Variants in ARHGAP21 observed in about 807,000 individuals in gnomAD.
ARHGAP21 encodes the protein Rho GTPase activating protein 21.
In ARHGAP21, 38 loss-of-function variants were observed where a neutral mutation model predicts 164.6. The ratio of observed to expected loss-of-function variants is 0.23; its 90% CI spans 0.18 to 0.30. The LOEUF (loss-of-function observed/expected upper bound fraction) is 0.30, where lower values mean the gene tolerates loss of function less well. ARHGAP21 is among the 10% of genes least tolerant of loss of function. The pLI is 1.00. For missense variants in ARHGAP21, 1,822 were observed against 2,370.7 expected (o/e 0.77, Z 4.81); for synonymous variants, 766 against 857.9 (o/e 0.89, Z 1.87).
chr10:24,596,322 C>T, intron 17 of ARHGAP21: 1 of 429,646 alleles, frequency 2.3e-6, no homozygotes, highest in Non-Finnish European at 4.0e-6. Flanking sequence ...GGAAACCGTT[C>T]CGCTGAATAA....
In ARHGAP21 at chr10:24,620,320, A is replaced by T; in HGVS notation, c.1575T>A (p.Thr525=). Residue 525 remains threonine (T), a synonymous_variant, in exon 9 of 26, where the codon ACT becomes ACA. Transcript: ENST00000396432. The part of the protein sequence containing the change: ...IPDSNGEKKQ[T]YKWSGFTEQD... Reference sequence around the variant, plus strand: ...GTTCAGTAAACCCACTCCACTTGTAAGTCTGTTTTTTCTCTCCATTGGAAT... The same window carrying T: ...GTTCAGTAAACCCACTCCACTTGTATGTCTGTTTTTTCTCTCCATTGGAAT... 1 of 1,613,946 alleles carries T rather than the reference A, an allele frequency of 6.2e-7. No homozygotes were observed.
At chr10:24,696,098 T>C (rs779017761) in intron 2 of ARHGAP21, among the ~76,000 whole-genome samples, 2 of 152,212 alleles carry the variant, frequency 1.3e-5, no homozygotes, top group Admixed American at 6.5e-5. Context: ...AGACAATATA[T>C]GTGAAACAAT....
intron 2 of ARHGAP21, among the ~76,000 whole-genome samples, chr10:24,680,306 G>A (rs1841647517): frequency 6.6e-6 from 1 of 151,856 alleles, no homozygotes; most frequent in Admixed American, 6.6e-5. Context: ...TTTCCTGTGG[G>A]ACTCATATTT....
chr10:24,711,116 G>A (rs1301062943), intron 2 of ARHGAP21, among the ~76,000 whole-genome samples: 21 of 114,978 alleles, frequency 1.8e-4, no homozygotes, highest in East Asian at 8.6e-4. Flanking sequence ...AAAAAAAAAA[G>A]GGAAGGAAGG....
intron 2 of ARHGAP21, among the ~76,000 whole-genome samples, chr10:24,697,973 A>G (rs867597810): frequency 1.3e-5 from 2 of 152,216 alleles, no homozygotes; most frequent in South Asian, 4.1e-4. Context: ...GGGAAATTCT[A>G]AGGCATTTTG....
chr10:24,652,562 C>T (rs1838292436), intron 4 of ARHGAP21, among the ~76,000 whole-genome samples: 3 of 152,078 alleles, frequency 2.0e-5, no homozygotes, highest in African/African-American at 7.2e-5. Context: ...GTTGAATTAC[C>T]TGCTAATAGT....
rs191224786 is a variant in ARHGAP21, at chr10:24,668,412, C to T, written c.244-1403G>A. On this transcript the variant is annotated intron_variant, in intron 3 of 25. Coordinates refer to ENST00000396432, the MANE Select transcript of ARHGAP21 (RefSeq NM_020824.4). Reference sequence around the variant, plus strand: ...TGCCTGTTCGATTCACAGGTGTGCCCACATTGTCCCAGTCTGAACAAGCGT... The same window carrying T: ...TGCCTGTTCGATTCACAGGTGTGCCTACATTGTCCCAGTCTGAACAAGCGT... 2.6e-5 allele frequency among the ~76,000 whole-genome samples: 4 copies of T among 152,278 alleles called. No individual in the cohort carries two copies. The East Asian group carries it at 7.7e-4, about 29-fold the overall frequency.
chr10:24,722,785 C>G (rs1446828640), intron 1 of ARHGAP21: 1 of 151,832 alleles, frequency 6.6e-6, no homozygotes, highest in East Asian at 2.0e-4. Context: ...CCGCCCCGGC[C>G]GGCGTCCCCG....
In ARHGAP21 at chr10:24,584,392, A is replaced by G. The variant is rs2076010332; in HGVS notation, c.*20T>C. On this transcript the variant is annotated 3_prime_UTR_variant, in exon 26 of 26. Coordinates refer to ENST00000396432, the MANE Select transcript of ARHGAP21 (RefSeq NM_020824.4). The stretch of plus-strand genomic sequence containing the variant: ...TGTAACAGTAGTTTTTTTACTTGCT[A>G]GAGTGGACATACCCCCAGTTTAAAG... 4.5e-6 allele frequency: 7 copies of G among 1,561,146 alleles called. No homozygotes were observed. The highest frequency in any genetic ancestry group is 2.7e-5 in the African/African-American group (2 of 72,848).
intron 11 of ARHGAP21, 52 bp from the exon 12 acceptor site, chr10:24,604,400 A>G (rs1329028508): frequency 7.8e-7 from 1 of 1,280,274 alleles, no homozygotes; most frequent in East Asian, 2.4e-5. Context: ...AAAAAATCTT[A>G]AAGATGTAAG....
intron 25 of ARHGAP21, among the ~76,000 whole-genome samples, chr10:24,588,851 T>C (rs982806202): frequency 6.6e-6 from 1 of 152,192 alleles, no homozygotes; most frequent in Non-Finnish European, 1.5e-5. Flanking sequence ...ACAGATGATA[T>C]GATGCTTGGG....
chr10:24,628,753 ATG>A lies in ARHGAP21; in HGVS notation c.495+1241_495+1242del, dbSNP rs61405659. Reference sequence around the variant, plus strand: ...AAAATGTTATTTTCTTGAATGAAATATGTGTGTGTGTGTGTGTGCATATATAT... The same window carrying A: ...AAAATGTTATTTTCTTGAATGAAATATGTGTGTGTGTGTGTGCATATATAT... On this transcript the variant is annotated intron_variant, in intron 7 of 25. Coordinates refer to ENST00000396432, the MANE Select transcript of ARHGAP21 (RefSeq NM_020824.4). 3.4e-3 allele frequency among the ~76,000 whole-genome samples: 459 copies of A among 134,744 alleles called. 6 individuals are homozygous for A. Among genetic ancestry groups the A allele is most frequent in the African/African-American group, 9.8e-3 (362 of 37,090 alleles). 88.4% of individuals were successfully genotyped at this position (134,744 alleles called of 152,430 possible).
At chr10:24,602,506 G>A (rs906664661) in intron 12 of ARHGAP21, among the ~76,000 whole-genome samples, 62 of 152,148 alleles carry the variant, frequency 4.1e-4, no homozygotes, top group Non-Finnish European at 5.3e-4. Context: ...GAAAAATAAG[G>A]AGCCAGCCAT....
intron 12 of ARHGAP21, among the ~76,000 whole-genome samples, chr10:24,602,637 G>A (rs1344187808): frequency 6.6e-6 from 1 of 152,134 alleles, no homozygotes; most frequent in Non-Finnish European, 1.5e-5. Context: ...AGGTCATTAA[G>A]GGTCTTCTAG....
intron 2 of ARHGAP21, among the ~76,000 whole-genome samples, chr10:24,697,025 G>C (rs949939620): frequency 6.6e-6 from 1 of 152,216 alleles, no homozygotes; most frequent in Non-Finnish European, 1.5e-5. Flanking sequence ...AACATTCCAA[G>C]TCAATGAAAC....
intron 4 of ARHGAP21, among the ~76,000 whole-genome samples, chr10:24,651,866 A>AT (rs1181194099): frequency 6.6e-6 from 1 of 152,186 alleles, no homozygotes; most frequent in East Asian, 1.9e-4. Context: ...TTCCAACAGA[A>AT]TTTTTTTCAT....
At chr10:24,709,410 T>G (rs1844553223) in intron 2 of ARHGAP21, among the ~76,000 whole-genome samples, 2 of 152,072 alleles carry the variant, frequency 1.3e-5, no homozygotes, top group Non-Finnish European at 2.9e-5. Context: ...TCTCCCTAAC[T>G]CATTCTATGA....
intron 5 of ARHGAP21, among the ~76,000 whole-genome samples, chr10:24,633,883 C>CTTTTTTTTTTTTTTTTT (rs3073324): frequency 7.9e-5 from 6 of 75,496 alleles, no homozygotes; most frequent in Non-Finnish European, 1.2e-4. Flanking sequence ...CTTTTTTTCT[C>CTTTTTTTTTTTTTTTTT]TTTTTTTTTT....
At chr10:24,644,679 T>C (rs1207441201) in intron 4 of ARHGAP21, among the ~76,000 whole-genome samples, 1 of 152,134 alleles carries the variant, frequency 6.6e-6, no homozygotes, top group Non-Finnish European at 1.5e-5. Context: ...TATCACCTCC[T>C]AATAAGCAAA....
Sources: allele counts gnomAD v4.1 joint callset (sites outside exome capture counted in the v4.1 genomes callset), GRCh38; gene constraint gnomAD v4.1.1; transcripts MANE v1.5; gene names NCBI Gene and HGNC (gene_info 2026-07-23, HGNC 2026-07-21).